MED15: variants seen among roughly 807,000 people sequenced by gnomAD.
MED15 encodes the protein mediator complex subunit 15.
A neutral mutation model predicts 118.7 loss-of-function variants in MED15; 41 were observed. That is an observed-to-expected ratio of 0.35 (90% CI 0.27 to 0.45). The LOEUF is 0.45. MED15 is among the 20% of genes least tolerant of loss of function. MED15 has a pLI of 1.00. For missense variants in MED15, 740 were observed against 1,025.5 expected (o/e 0.72, Z 3.80); for synonymous variants, 436 against 413.9 (o/e 1.05, Z -0.65).
chr22:20,567,827 C>T (rs1284357207), intron 7 of MED15, among the ~76,000 whole-genome samples: 1 of 152,178 alleles, frequency 6.6e-6, no homozygotes, highest in African/African-American at 2.4e-5. Context: ...GCAGTGGCTC[C>T]ACAGTTGCCC....
chr22:20,575,120 C>T lies in MED15; in HGVS notation c.1160C>T (p.Thr387Met), dbSNP rs1475096087. The change falls in exon 9 of 18, where the codon ACG (threonine) becomes ATG (methionine). Residue 387 changes from threonine to methionine, a missense_variant. Thr to Met is a moderately conservative substitution (Grantham distance 81, BLOSUM62 -1). This residue lies in a region of MED15 where 384 missense variants were observed against 506.3 expected (regional missense o/e 0.76). Coordinates refer to ENST00000263205, the MANE Select transcript of MED15 (RefSeq NM_001003891.3). ...QMVAPGVQMI[T>M]EALAQGGMHI... ...GTCCCTCTGTCCTCAAAGATGATCACGGAAGCCTTGGCCCAAGGTGGGATG... is the reference window on the plus strand; with the variant it reads ...GTCCCTCTGTCCTCAAAGATGATCATGGAAGCCTTGGCCCAAGGTGGGATG... The T allele has an allele frequency of 3.7e-6, 6 of 1,613,848 alleles. No individual in the cohort carries two copies. Among genetic ancestry groups the T allele is most frequent in the Middle Eastern group, 1.6e-4 (1 of 6,084 alleles).
chr22:20,539,849 T>C (rs1242687883), intron 2 of MED15, among the ~76,000 whole-genome samples: 53 of 152,218 alleles, frequency 3.5e-4, no homozygotes, highest in Admixed American at 3.5e-3. Context: ...TTCATGTGCT[T>C]TTTGGCCATT....
intron 1 of MED15, 56 bp from the exon 2 acceptor site, chr22:20,537,061 C>T: frequency 1.3e-6 from 2 of 1,536,396 alleles, no homozygotes; most frequent in East Asian, 2.3e-5. Context: ...GGCCAGGGCC[C>T]TGCAGCGGTG....
intron 1 of MED15, among the ~76,000 whole-genome samples, chr22:20,521,695 CTTATTTATTTATTTATTTAT>C (rs60248748): frequency 0.18 from 24,850 of 140,898 alleles, 2,759 homozygotes; most frequent in East Asian, 0.39. Context: ...TGCGCCTGGC[CTTATTTATTTATTTATTTAT>C]TTATTTATTT....
intron 17 of MED15, 34 bp from the exon 18 acceptor site, chr22:20,586,534 C>G: frequency 6.2e-7 from 1 of 1,603,164 alleles, no homozygotes. Context: ...GCAGCGCCGG[C>G]CGCCTTAGGT....
intron 1 of MED15, chr22:20,523,819 C>G (rs2054542481): frequency 2.0e-6 from 2 of 985,430 alleles, no homozygotes; most frequent in Non-Finnish European, 2.4e-6. Context: ...GCTTAGACAA[C>G]AGTACACAGT....
chr22:20,572,966 CTTTTT>C (rs361635), intron 8 of MED15, among the ~76,000 whole-genome samples: 2 of 137,074 alleles, frequency 1.5e-5, no homozygotes, highest in Non-Finnish European at 3.1e-5. Flanking sequence ...ATCTCATTTT[CTTTTT>C]TTTTTTTTTT....
At chr22:20,554,004 G>A (rs377490774) in intron 4 of MED15, among the ~76,000 whole-genome samples, 2 of 152,380 alleles carry the variant, frequency 1.3e-5, no homozygotes, top group Non-Finnish European at 2.9e-5. Context: ...CTGGCCAACT[G>A]CATTCTGCCA....
At position 20,568,583 on chromosome 22, in the gene MED15, A is replaced by T; in HGVS notation, c.1104A>T (p.Thr368=). The T allele has an allele frequency of 6.2e-7, 1 of 1,613,900 alleles. No homozygotes were observed. The highest frequency in any genetic ancestry group is 1.1e-5 in the South Asian group (1 of 91,090). Residue 368 remains threonine (T), a synonymous_variant, in exon 8 of 18, where the codon ACA becomes ACT. Coordinates refer to ENST00000263205, the MANE Select transcript of MED15 (RefSeq NM_001003891.3). ...PVQPQVQQQQ[T]AVQTAQAAQM... ...AGCCCCAGGTGCAGCAGCAGCAGACAGCAGTACAGACAGCTCAGGCTGCCC... is the reference window on the plus strand; with the variant it reads ...AGCCCCAGGTGCAGCAGCAGCAGACTGCAGTACAGACAGCTCAGGCTGCCC...
intron 16 of MED15, chr22:20,585,481 C>CA: frequency 1.4e-6 from 1 of 737,176 alleles, no homozygotes; most frequent in Admixed American, 2.8e-5. Context: ...CTCACCTCCC[C>CA]AACACAGATG....
chr22:20,586,064 C>T (rs922361375), intron 17 of MED15, among the ~76,000 whole-genome samples: 1 of 152,224 alleles, frequency 6.6e-6, no homozygotes, highest in East Asian at 1.9e-4. Context: ...ACTTGTGTCA[C>T]GTCAGCTGTC....
chr22:20,565,686 C>T (rs1342453053), intron 6 of MED15, among the ~76,000 whole-genome samples: 1 of 152,330 alleles, frequency 6.6e-6, no homozygotes, highest in South Asian at 2.1e-4. Flanking sequence ...TTTTCCTTCT[C>T]CTGCTGACAA....
intron 2 of MED15, among the ~76,000 whole-genome samples, chr22:20,539,231 T>A (rs1432321249): frequency 6.6e-6 from 1 of 152,112 alleles, no homozygotes; most frequent in Non-Finnish European, 1.5e-5. Flanking sequence ...CCTTAGTAGC[T>A]GGGATTACAG....
intron 2 of MED15, among the ~76,000 whole-genome samples, chr22:20,546,462 T>C (rs2055539984): frequency 6.6e-6 from 1 of 151,844 alleles, no homozygotes; most frequent in Admixed American, 6.6e-5. Context: ...TTAGGGCTTG[T>C]AGACTAATTC....
In MED15 at chr22:20,507,910, G is replaced by A. The variant is rs942934725; in HGVS notation, c.68+164G>A. 1.2e-5 allele frequency: 17 copies of A among 1,461,932 alleles called. No individual in the cohort carries two copies. The South Asian group carries it at 1.8e-4, about 16-fold the overall frequency. The allele number at this position is 1,461,932 out of a possible 1,614,324, so 90.6% of individuals were successfully genotyped here. On this transcript the variant is annotated intron_variant, in intron 1 of 17. Coordinates refer to ENST00000263205, the MANE Select transcript of MED15 (RefSeq NM_001003891.3). ...TCGGGCCCCCCCGTCTGTCCCCTCC[G>A]TTCCCGACATGGACTGCTCGTTTGC...
intron 2 of MED15, among the ~76,000 whole-genome samples, chr22:20,542,863 C>G (rs1405367263): frequency 6.6e-6 from 1 of 152,188 alleles, no homozygotes; most frequent in Non-Finnish European, 1.5e-5. Flanking sequence ...AATTTCATCT[C>G]TCTTCCTCAC....
At chr22:20,551,244 A>G in intron 2 of MED15, 192 bp from the exon 3 acceptor site, 1 of 721,140 alleles carries the variant, frequency 1.4e-6, no homozygotes, top group Non-Finnish European at 2.6e-6. Flanking sequence ...TGTGCCTGTT[A>G]TTGGCCAGCC....
At chr22:20,583,624 C>T (rs1376532565) in intron 13 of MED15, 7 of 546,106 alleles carry the variant, frequency 1.3e-5, no homozygotes, top group Admixed American at 3.1e-5. Context: ...GGCCCTCATG[C>T]TGGGCCATCA....
Position 20,568,534 on chromosome 22 carries a change from TGGTGGTGCA to T in MED15, c.1057_1065del (p.Val353_Gln355del), listed in dbSNP as rs781079039. Reference sequence around the variant, plus strand: ...TTCTCCCTCAAGGTCCGAGCTCCGATGGTGGTGCAGCAGCCCCCAGTGCAGCCCCAGGTG... The same window carrying T: ...TTCTCCCTCAAGGTCCGAGCTCCGATGCAGCCCCCAGTGCAGCCCCAGGTG... On this transcript the variant is annotated inframe_deletion, in exon 8 of 18. Transcript: ENST00000263205. 42 of 1,613,504 alleles carry T rather than the reference TGGTGGTGCA, an allele frequency of 2.6e-5. No homozygotes were observed. Among genetic ancestry groups the T allele is most frequent in the Non-Finnish European group, 3.4e-5 (40 of 1,179,942 alleles).
Sources: allele counts gnomAD v4.1 joint callset (sites outside exome capture counted in the v4.1 genomes callset), GRCh38; gene constraint gnomAD v4.1.1; regional missense constraint gnomAD v4.1.1; transcripts MANE v1.5; gene names NCBI Gene and HGNC (gene_info 2026-07-23, HGNC 2026-07-21).